EFEMP1: variants seen among roughly 807,000 people sequenced by gnomAD.
The protein encoded by EFEMP1 is EGF-containing fibulin-like extracellular matrix protein 1.
EFEMP1 carries 18 observed loss-of-function variants against 65.7 expected under a neutral mutation model. The observed-to-expected ratio is 0.27, with a 90% confidence interval of 0.19 to 0.41. The LOEUF is 0.41. Among genes scored for constraint, EFEMP1 ranks in the 10% least tolerant of loss-of-function variants. EFEMP1 has a pLI of 1.00. For synonymous variants in EFEMP1, 237 were observed against 219.7 expected (o/e 1.08, Z -0.70); for missense variants, 469 against 624.8 (o/e 0.75, Z 2.66).
chr2:55,868,024 T>C (rs1449495466), intron 11 of EFEMP1, among the ~76,000 whole-genome samples: 1 of 152,086 alleles, frequency 6.6e-6, no homozygotes, highest in Non-Finnish European at 1.5e-5. Context: ...AATGCTTTGG[T>C]TAGGGCTACT....
chr2:55,912,646 A>G (rs896247102), intron 5 of EFEMP1, among the ~76,000 whole-genome samples: 2 of 152,218 alleles, frequency 1.3e-5, no homozygotes, highest in African/African-American at 2.4e-5. Flanking sequence ...TTTGAACCCT[A>G]TGTACACTGT....
intron 5 of EFEMP1, among the ~76,000 whole-genome samples, chr2:55,905,236 A>C (rs1897113): frequency 0.61 from 93,314 of 151,852 alleles, 30,216 homozygotes; most frequent in East Asian, 0.9. Flanking sequence ...GGAGAAAATG[A>C]AAAATACCAT....
At chr2:55,918,717 C>T (rs1670805516) in intron 3 of EFEMP1, among the ~76,000 whole-genome samples, 1 of 148,200 alleles carries the variant, frequency 6.7e-6, no homozygotes, top group African/African-American at 2.5e-5. Flanking sequence ...CCTCTTACAG[C>T]ATTCAAGCAC....
chr2:55,922,584 T>G lies in EFEMP1; in HGVS notation c.-7-137A>C. The G allele has an allele frequency of 1.2e-6, 1 of 804,628 alleles. No individual in the cohort carries two copies. Among genetic ancestry groups the G allele is most frequent in the Non-Finnish European group, 2.1e-6 (1 of 482,246 alleles). The allele number at this position is 804,628 out of a possible 1,614,324, so 49.8% of individuals were successfully genotyped here. On this transcript the variant is annotated intron_variant, in intron 2 of 11. Coordinates refer to ENST00000355426, the MANE Select transcript of EFEMP1 (RefSeq NM_001039348.3). The surrounding 1 kb of genome is among the most constrained non-coding windows in gnomAD (Gnocchi z 5.5). ...ACCATACTCAACTTCCAATCTGCTTTCTCATCTCCCCTCCCCCTCCTGAAC... is the reference window on the plus strand; with the variant it reads ...ACCATACTCAACTTCCAATCTGCTTGCTCATCTCCCCTCCCCCTCCTGAAC...
chr2:55,905,759 A>G (rs1001728525), intron 5 of EFEMP1, among the ~76,000 whole-genome samples: 1 of 152,088 alleles, frequency 6.6e-6, no homozygotes, highest in East Asian at 1.9e-4. Flanking sequence ...TGATTTTCCA[A>G]TAATTCTTTA....
intron 5 of EFEMP1, among the ~76,000 whole-genome samples, chr2:55,889,836 A>G (rs894972772): frequency 6.6e-6 from 1 of 151,276 alleles, no homozygotes; most frequent in Admixed American, 6.6e-5. Flanking sequence ...AAAAAAAAAA[A>G]TAAAACTACA....
In EFEMP1 at chr2:55,875,014, T is replaced by C. The variant is rs988854831; in HGVS notation, c.932A>G (p.Asn311Ser). Residue 311 changes from asparagine to serine, a missense_variant, in exon 9 of 12, where the codon AAT becomes AGT. By Grantham distance (46) the Asn-to-Ser change is conservative. Around this residue, in one of 3 missense-constraint regions of EFEMP1, gnomAD observed 399 missense variants for 528.2 expected, o/e 0.76. Transcript: ENST00000355426. ...CATACATGAGAATTTCCCAGGTTCA[T>C]TGACACATTGATATTGACACAGGTA... ...SSYLCQYQCVNEPGKFSCMCP... is the reference protein window; with the variant it reads ...SSYLCQYQCVSEPGKFSCMCP... 1 of 1,608,846 alleles carries C rather than the reference T, an allele frequency of 6.2e-7. No homozygotes were observed. The highest frequency in any genetic ancestry group is 8.5e-7 in the Non-Finnish European group (1 of 1,176,988).
intron 5 of EFEMP1, among the ~76,000 whole-genome samples, chr2:55,899,374 C>T (rs3791665): frequency 0.069 from 10,534 of 152,176 alleles, 800 homozygotes; most frequent in African/African-American, 0.18. Flanking sequence ...AGTTTGAACA[C>T]GTGTTAATTG....
chr2:55,877,917 C>A lies in EFEMP1; in HGVS notation c.641-52G>T. The A allele has an allele frequency of 6.2e-7, 1 of 1,605,192 alleles. No individual in the cohort carries two copies. Among genetic ancestry groups the A allele is most frequent in the East Asian group, 2.2e-5 (1 of 44,652 alleles). ...AGAACCAAATTATTGAATTAGCATT[C>A]TCTGAAAAGCATTATCTAGAAAACC... On this transcript the variant is annotated intron_variant, in intron 6 of 11. Transcript: ENST00000355426. This position sits in a 1 kb window ranked among gnomAD's most constrained non-coding sequence, Gnocchi z 4.5.
chr2:55,882,820 G>A (rs1369501892), intron 5 of EFEMP1, among the ~76,000 whole-genome samples: 2 of 152,006 alleles, frequency 1.3e-5, no homozygotes, highest in African/African-American at 4.8e-5. Flanking sequence ...GACCCCTGAG[G>A]CAGATTTCAG....
At chr2:55,896,569 G>C (rs1669838116) in intron 5 of EFEMP1, among the ~76,000 whole-genome samples, 1 of 152,160 alleles carries the variant, frequency 6.6e-6, no homozygotes. Context: ...CATACAGACA[G>C]ACCTGTGTTA....
At chr2:55,876,371 G>A (rs184765417) in intron 8 of EFEMP1, among the ~76,000 whole-genome samples, 85 of 152,196 alleles carry the variant, frequency 5.6e-4, no homozygotes, top group African/African-American at 2.0e-3. Context: ...ACACTGAGAC[G>A]CAACATGCTA....
intron 8 of EFEMP1, among the ~76,000 whole-genome samples, chr2:55,875,335 TAC>T (rs768780443): frequency 0.011 from 1,330 of 125,336 alleles, 20 homozygotes; most frequent in African/African-American, 0.034. Context: ...GTTTCATATA[TAC>T]ACACACACAC....
intron 5 of EFEMP1, among the ~76,000 whole-genome samples, chr2:55,895,769 C>T (rs1158972698): frequency 6.6e-6 from 1 of 151,620 alleles, no homozygotes; most frequent in Non-Finnish European, 1.5e-5. Context: ...TCTCTATCTC[C>T]TGACCTCGTG....
At chr2:55,909,454 C>T (rs1046434971) in intron 5 of EFEMP1, among the ~76,000 whole-genome samples, 3 of 152,152 alleles carry the variant, frequency 2.0e-5, no homozygotes, top group African/African-American at 7.2e-5. Flanking sequence ...ATCAGAAACA[C>T]ACTGTTTCTG....
At position 55,867,290 on chromosome 2, in the gene EFEMP1, C is replaced by G; in HGVS notation, c.1321-56G>C. Reference sequence around the variant, plus strand: ...GAATAATTTTCTTGGATTGGAGTTTCTATGCTTTGTTAGTATACCTCCTAT... The same window carrying G: ...GAATAATTTTCTTGGATTGGAGTTTGTATGCTTTGTTAGTATACCTCCTAT... On this transcript the variant is annotated intron_variant, in intron 11 of 11. Transcript: ENST00000355426. The surrounding 1 kb of genome is among the most constrained non-coding windows in gnomAD (Gnocchi z 4.3). The G allele has an allele frequency of 1.9e-6, 3 of 1,577,362 alleles. No individual in the cohort carries two copies. The highest frequency in any genetic ancestry group is 2.6e-6 in the Non-Finnish European group (3 of 1,157,458).
At chr2:55,881,396 C>G (rs182135506) in intron 6 of EFEMP1, among the ~76,000 whole-genome samples, 2 of 152,116 alleles carry the variant, frequency 1.3e-5, no homozygotes, top group Admixed American at 1.3e-4. Context: ...GCTCTTGCTT[C>G]GTCTAACATT....
chr2:55,883,066 A>G lies in EFEMP1; in HGVS notation c.518-1332T>C, dbSNP rs1284730782. 6.6e-6 allele frequency among the ~76,000 whole-genome samples: 1 copy of G among 152,144 alleles called. No homozygotes were observed. The highest frequency in any genetic ancestry group is 1.5e-5 in the Non-Finnish European group (1 of 68,020). Reference sequence around the variant, plus strand: ...GATTGTAAAAGGGTTGTCCTCAGAAATCAGCTTCACTTAGCTGGGTGTGGA... The same window carrying G: ...GATTGTAAAAGGGTTGTCCTCAGAAGTCAGCTTCACTTAGCTGGGTGTGGA... On this transcript the variant is annotated intron_variant, in intron 5 of 11. Coordinates refer to ENST00000355426, the MANE Select transcript of EFEMP1 (RefSeq NM_001039348.3). The surrounding 1 kb of genome is among the most constrained non-coding windows in gnomAD (Gnocchi z 4.5).
intron 5 of EFEMP1, among the ~76,000 whole-genome samples, chr2:55,905,768 T>C (rs1037086562): frequency 6.6e-6 from 1 of 152,152 alleles, no homozygotes; most frequent in Non-Finnish European, 1.5e-5. Flanking sequence ...AATAATTCTT[T>C]AAAGCTCTAT....
Sources: allele counts gnomAD v4.1 joint callset (sites outside exome capture counted in the v4.1 genomes callset), GRCh38; gene constraint gnomAD v4.1.1; regional missense constraint gnomAD v4.1.1; non-coding constraint Gnocchi (gnomAD v3.1); transcripts MANE v1.5; gene names NCBI Gene and HGNC (gene_info 2026-07-23, HGNC 2026-07-21).